The following ARSF variants were observed in gnomAD, a reference collection of about 807,000 sequenced individuals.
ARSF encodes the protein arylsulfatase F.
Under a neutral mutation model 35.4 loss-of-function variants are expected in ARSF, and 33 were observed. The observed-to-expected ratio is 0.93, with a 90% CI of 0.71 to 1.25. The LOEUF (loss-of-function observed/expected upper bound fraction) is 1.25, where lower values mean the gene tolerates loss of function less well. Among genes scored for constraint, ARSF ranks in the 50% most tolerant of loss-of-function variants. ARSF has a pLI of 0.00. For missense variants in ARSF, 501 were observed against 480.2 expected (o/e 1.04, Z -0.40); for synonymous variants, 222 against 193.1 (o/e 1.15, Z -1.24).
At chrX:3,060,000 AC>A (rs778540145) in intron 1 of ARSF, among the ~76,000 whole-genome samples, 121 of 111,685 alleles carry the variant, frequency 1.1e-3, no homozygotes, top group Admixed American at 1.4e-3. Context: ...TGGGTCCCTG[AC>A]CCCCTTGTAG....
Position 3,068,118 on chromosome X carries a change from A to G in ARSF, c.11+7A>G. The G allele has an allele frequency of 8.3e-7, 1 of 1,201,745 alleles. No individual in the cohort carries two copies. The highest frequency in any genetic ancestry group is 1.1e-6 in the Non-Finnish European group (1 of 889,661). ...GCTGCACAATGAGGCCCAGGTAGGT[A>G]AAGCCATATACTGCATTGTGAGCAC... On this transcript the variant is annotated splice_region_variant and intron_variant, in intron 2 of 10. Transcript: ENST00000381127.
intron 4 of ARSF, among the ~76,000 whole-genome samples, chrX:3,079,993 G>A (rs866264071): frequency 3.6e-4 from 29 of 80,585 alleles, no homozygotes; most frequent in Non-Finnish European, 4.8e-4. Context: ...AAAAAAAAAA[G>A]AGAGAGAGAG....
At chrX:3,061,144 T>A (rs765137775) in intron 1 of ARSF, among the ~76,000 whole-genome samples, 3 of 111,617 alleles carry the variant, frequency 2.7e-5, no homozygotes, top group African/African-American at 9.8e-5. Context: ...TGGGGGCCAA[T>A]GTTCAACATT....
At chrX:3,047,126 G>A (rs770154445) in intron 1 of ARSF, among the ~76,000 whole-genome samples, 1 of 110,917 alleles carries the variant, frequency 9.0e-6, no homozygotes, top group East Asian at 2.9e-4. Context: ...TCAGCTTCCT[G>A]AGTTCCCTTT....
At chrX:3,108,547 T>C (rs1280348267) in intron 9 of ARSF, among the ~76,000 whole-genome samples, 1 of 112,087 alleles carries the variant, frequency 8.9e-6, no homozygotes, top group Admixed American at 9.5e-5. Flanking sequence ...TTATAGTACA[T>C]GATACTTTAA....
At chrX:3,100,353 G>A (rs1023950854) in intron 7 of ARSF, among the ~76,000 whole-genome samples, 5 of 112,139 alleles carry the variant, frequency 4.5e-5, no homozygotes, top group African/African-American at 1.3e-4. Context: ...TGCATAAACC[G>A]TGACTGCCAT....
chrX:3,083,147 C>A (rs2090215257), intron 5 of ARSF, among the ~76,000 whole-genome samples: 1 of 110,654 alleles, frequency 9.0e-6, no homozygotes, highest in Non-Finnish European at 1.9e-5. Flanking sequence ...ACCTACTCAG[C>A]CACCCACCTA....
At chrX:3,102,095 C>G (rs959276593) in intron 8 of ARSF, among the ~76,000 whole-genome samples, 1 of 110,813 alleles carries the variant, frequency 9.0e-6, no homozygotes, top group Non-Finnish European at 1.9e-5. Flanking sequence ...GGACCCAAAA[C>G]AAATCCTTAG....
chrX:3,110,651 C>T (rs2090439055), intron 10 of ARSF, among the ~76,000 whole-genome samples: 1 of 112,023 alleles, frequency 8.9e-6, no homozygotes, highest in African/African-American at 3.2e-5. Context: ...AATCCCAGAA[C>T]TTTGGGAGGC....
At chrX:3,066,139 A>G (rs1479468747) in intron 1 of ARSF, among the ~76,000 whole-genome samples, 1 of 111,612 alleles carries the variant, frequency 9.0e-6, no homozygotes, top group Non-Finnish European at 1.9e-5. Flanking sequence ...AGAATCATAC[A>G]ACAGCATGTT....
intron 1 of ARSF, among the ~76,000 whole-genome samples, chrX:3,065,636 C>CAAAA (rs760800747): frequency 5.9e-5 from 4 of 68,016 alleles, no homozygotes; most frequent in African/African-American, 2.1e-4. Context: ...GACTCTGTCT[C>CAAAA]AAAAAAAAAA....
chrX:3,111,827 C>G (rs976518220), intron 10 of ARSF, among the ~76,000 whole-genome samples: 2 of 109,308 alleles, frequency 1.8e-5, no homozygotes, highest in African/African-American at 6.7e-5. Flanking sequence ...GACAGATCAT[C>G]AGGCATTAGA....
At chrX:3,082,965 T>A (rs146437914) in intron 5 of ARSF, among the ~76,000 whole-genome samples, 1 of 103,172 alleles carries the variant, frequency 9.7e-6, no homozygotes, top group Non-Finnish European at 2.1e-5. Flanking sequence ...CTATCCTATC[T>A]TATCTATTTA....
At chrX:3,083,480 TCCTA>T (rs1331094810) in intron 5 of ARSF, among the ~76,000 whole-genome samples, 1 of 84,915 alleles carries the variant, frequency 1.2e-5, no homozygotes, top group African/African-American at 4.5e-5. Flanking sequence ...CTCTCCTCTA[TCCTA>T]TCTATCTATC....
At chrX:3,084,797 A>C (rs1443027929) in intron 6 of ARSF, 131 bp downstream of exon 6, 3 of 637,339 alleles carry the variant, frequency 4.7e-6, no homozygotes, top group Non-Finnish European at 6.6e-6. Context: ...AAAAGAGAAT[A>C]AGTCAAATGG....
chrX:3,093,374 G>A (rs1603464872), intron 7 of ARSF, among the ~76,000 whole-genome samples: 1 of 111,495 alleles, frequency 9.0e-6, no homozygotes, highest in East Asian at 2.8e-4. Flanking sequence ...GAGCGAGCAT[G>A]GCAACCAATA....
At position 3,084,640 on chromosome X, in the gene ARSF, G is replaced by A. The variant is rs757342896; in HGVS notation, c.804G>A (p.Val268=). ...CTGAACGAGCTGGATCCATTATGGT[G>A]AAGGAAGCGATTTCCTTTTTAGAAA... ...MKAERAGSIM[V]KEAISFLERH... The change falls in exon 6 of 11, where the codon GTG becomes GTA. Residue 268 remains valine, a synonymous_variant. Transcript: ENST00000381127. The A allele has an allele frequency of 8.5e-7, 1 of 1,172,102 alleles. No homozygotes were observed. The highest frequency in any genetic ancestry group is 1.1e-6 in the Non-Finnish European group (1 of 877,859).
intron 3 of ARSF, among the ~76,000 whole-genome samples, 181 bp downstream of exon 3, chrX:3,072,356 T>A (rs1463692979): frequency 8.9e-6 from 1 of 112,351 alleles, no homozygotes; most frequent in Non-Finnish European, 1.9e-5. Flanking sequence ...ATTACATTTT[T>A]AATAATTTTA....
intron 7 of ARSF, among the ~76,000 whole-genome samples, chrX:3,100,808 G>A (rs1189209821): frequency 9.0e-6 from 1 of 111,122 alleles, no homozygotes; most frequent in Non-Finnish European, 1.9e-5. Context: ...TCTTGGCCAG[G>A]CTGATCTTGA....
Sources: gnomAD v4.1 joint callset for allele counts (sites outside exome capture counted in the v4.1 genomes callset) on GRCh38, gnomAD v4.1.1 for gene constraint, MANE v1.5 for transcripts, NCBI Gene and HGNC (gene_info 2026-07-23, HGNC 2026-07-21) for gene names.